The following SORBS2 variants were observed in gnomAD, a reference collection of about 807,000 sequenced individuals.
SORBS2 encodes the protein sorbin and SH3 domain-containing protein 2.
A neutral mutation model predicts 97.7 loss-of-function variants in SORBS2; 46 were observed. That is an observed-to-expected ratio of 0.47 (90% CI 0.37 to 0.60). SORBS2 has a LOEUF of 0.60. Among genes scored for constraint, SORBS2 ranks in the 20% least tolerant of loss-of-function variants. The probability of loss-of-function intolerance (pLI) is 0.00; values close to 1 mark genes in which losing one functional copy is unlikely to be tolerated. For synonymous variants in SORBS2, 476 were observed against 473.4 expected, an observed-to-expected ratio of 1.01 and a Z score of -0.07; for missense variants, 1,316 against 1,282.3, an observed-to-expected ratio of 1.03 and a Z score of -0.40.
In SORBS2 at chr4:185,677,221, C is replaced by G. The variant is rs764467421; in HGVS notation, c.-46+1202G>C. 8 of 1,551,522 alleles carry G rather than the reference C, an allele frequency of 5.2e-6. No individual in the cohort carries two copies. In the African/African-American group the frequency reaches 1.1e-4, roughly 21 times the overall value. On this transcript the variant is annotated intron_variant, in intron 4 of 20. Transcript: ENST00000284776. ...GGCCTTTTGAGAAATGACGGTACTT[C>G]GACAGATTTGGAGAACTGTGGAGTA...
rs1171082923 is a variant in SORBS2 at position 185,906,180 on chromosome 4, T to C, written c.-338+50016A>G. Among the ~76,000 whole-genome samples, 3 of 152,176 alleles carry C rather than the reference T, an allele frequency of 2.0e-5. No homozygotes were observed. In the East Asian group the frequency reaches 5.8e-4, roughly 29 times the overall value. ...TCCTGAGTAGCTGGGACTACTGGCA[T>C]GCACCACCATGCCTGGGTAATTTCG... On this transcript the variant is annotated intron_variant, in intron 1 of 20. Transcript: ENST00000284776.
chr4:185,590,729 A>G (rs1040440493), intron 13 of SORBS2, among the ~76,000 whole-genome samples: 6 of 152,238 alleles, frequency 3.9e-5, no homozygotes, highest in Admixed American at 3.9e-4. Context: ...ATACATTATA[A>G]TAAATAGTAA....
intron 2 of SORBS2, among the ~76,000 whole-genome samples, chr4:185,745,826 C>T (rs112771041): frequency 9.9e-5 from 15 of 152,266 alleles, no homozygotes; most frequent in African/African-American, 3.6e-4. Flanking sequence ...TGTGACTGAT[C>T]GCTGCAGTGA....
At chr4:185,651,471 T>A (rs1403124362) in intron 2 of SORBS2, among the ~76,000 whole-genome samples, 2 of 152,242 alleles carry the variant, frequency 1.3e-5, no homozygotes, top group Non-Finnish European at 2.9e-5. Flanking sequence ...TGATAAAAGA[T>A]CTTTATCTTA....
exon 15 of SORBS2, chr4:185,587,533 A>T: frequency 9.5e-7 from 1 of 1,052,148 alleles, no homozygotes; most frequent in Non-Finnish European, 1.5e-6. Flanking sequence ...TGGAAACCGT[A>T]AGGCATGACA....
intron 12 of SORBS2, among the ~76,000 whole-genome samples, chr4:185,603,623 G>A (rs1054790678): frequency 2.0e-5 from 3 of 152,134 alleles, no homozygotes; most frequent in African/African-American, 7.2e-5. Flanking sequence ...GAATGTGAGG[G>A]TGAGCTATTG....
Position 185,712,923 on chromosome 4 carries a change from T to C in SORBS2, c.-197-34101A>G, listed in dbSNP as rs11937475. ...ACACCTCTCATCACCACCTTCTGTT[T>C]ACCACCTAACACCTTAGTCTAGCTT... On this transcript the variant is annotated intron_variant, in intron 2 of 20. Transcript: ENST00000284776. Among the ~76,000 whole-genome samples the C allele has an allele frequency of 4.8e-3, 731 of 152,300 alleles. 5 individuals are homozygous for C. The highest frequency in any genetic ancestry group is 0.017 in the African/African-American group (699 of 41,562).
At chr4:185,745,358 G>C (rs1426949769) in intron 2 of SORBS2, among the ~76,000 whole-genome samples, 1 of 152,152 alleles carries the variant, frequency 6.6e-6, no homozygotes, top group African/African-American at 2.4e-5. Flanking sequence ...ATCAGGGACT[G>C]TTCCAATTTT....
intron 12 of SORBS2, among the ~76,000 whole-genome samples, chr4:185,599,712 A>T (rs1158227902): frequency 6.6e-6 from 1 of 151,788 alleles, no homozygotes; most frequent in Non-Finnish European, 1.5e-5. Context: ...TAGACCACAA[A>T]ACACACGACA....
chr4:185,905,029 G>A lies in SORBS2; in HGVS notation c.-338+51167C>T, dbSNP rs28391252. Among the ~76,000 whole-genome samples, 1,501 of 152,138 alleles carry A rather than the reference G, an allele frequency of 9.9e-3. 32 individuals are homozygous for A. Among genetic ancestry groups the A allele is most frequent in the African/African-American group, 0.035 (1,433 of 41,504 alleles). On this transcript the variant is annotated intron_variant, in intron 1 of 20. Coordinates refer to the SORBS2 transcript ENST00000284776. Reference sequence around the variant, plus strand: ...TGAGGCAGGACAATCGCTTGAACCTGGGAGGCAGAGGTTGCAGTGAGCCAA... The same window carrying A: ...TGAGGCAGGACAATCGCTTGAACCTAGGAGGCAGAGGTTGCAGTGAGCCAA...
In SORBS2 at chr4:185,910,759, C is replaced by A. The variant is rs1384157200; in HGVS notation, c.-338+45437G>T. On this transcript the variant is annotated intron_variant, in intron 1 of 20. Transcript: ENST00000284776. The stretch of plus-strand genomic sequence containing the variant: ...TCTGACTGCAACTTTTATTCTATAA[C>A]CTAAATCCTGTGGGTATACAAAGAT... Among the ~76,000 whole-genome samples the A allele has an allele frequency of 2.6e-5, 4 of 152,088 alleles. No homozygotes were observed. The East Asian group carries it at 7.7e-4, about 29-fold the overall frequency.
intron 2 of SORBS2, among the ~76,000 whole-genome samples, chr4:185,735,676 A>T (rs1299662857): frequency 6.6e-6 from 1 of 151,980 alleles, no homozygotes; most frequent in Non-Finnish European, 1.5e-5. Context: ...ATATCATGAA[A>T]ATATTTACTG....
intron 1 of SORBS2, among the ~76,000 whole-genome samples, chr4:185,827,308 A>G (rs1462569098): frequency 1.4e-5 from 2 of 147,314 alleles, no homozygotes; most frequent in African/African-American, 2.5e-5. Context: ...CATCACCATC[A>G]TCACCATCAT....
At chr4:185,902,642 G>A (rs1269095011) in intron 1 of SORBS2, among the ~76,000 whole-genome samples, 1 of 150,534 alleles carries the variant, frequency 6.6e-6, no homozygotes, top group African/African-American at 2.4e-5. Context: ...GAATTCTATA[G>A]CCTCTGTGTG....
At chr4:185,689,511 T>G (rs1266268408) in intron 2 of SORBS2, among the ~76,000 whole-genome samples, 2 of 152,232 alleles carry the variant, frequency 1.3e-5, no homozygotes, top group Non-Finnish European at 2.9e-5. Context: ...TTGCTGAGCC[T>G]TCCTTGTGTG....
chr4:185,875,980 T>G (rs1454307014), intron 1 of SORBS2, among the ~76,000 whole-genome samples: 1 of 152,268 alleles, frequency 6.6e-6, no homozygotes, highest in Non-Finnish European at 1.5e-5. Flanking sequence ...AGTCATTGTA[T>G]TCCTTTCAGT....
intron 2 of SORBS2, among the ~76,000 whole-genome samples, chr4:185,746,733 A>G (rs562644584): frequency 2.6e-5 from 4 of 152,242 alleles, no homozygotes; most frequent in Admixed American, 6.5e-5. Flanking sequence ...ATACCCAAGC[A>G]AAATACTCTT....
At chr4:185,805,794 C>T (rs1202544053) in intron 1 of SORBS2, among the ~76,000 whole-genome samples, 1 of 152,188 alleles carries the variant, frequency 6.6e-6, no homozygotes, top group Admixed American at 6.5e-5. Flanking sequence ...TGCAAGAATA[C>T]GTCTGACGGG....
rs1235756472 is a variant in SORBS2, at chr4:185,827,223, C to T, written c.-337-51857G>A. 1.1e-3 allele frequency among the ~76,000 whole-genome samples: 152 copies of T among 136,398 alleles called. 1 individual carries two copies. Among genetic ancestry groups the T allele is most frequent in the African/African-American group, 4.3e-3 (144 of 33,254 alleles). 89.5% of individuals were successfully genotyped at this position (136,398 alleles called of 152,430 possible). ...TCATCACCATCATCACCATCATCAC[C>T]ATCATCATCATCACCATCACCACCA... is the stretch of plus-strand genomic sequence containing the variant. On this transcript the variant is annotated intron_variant, in intron 1 of 20. Transcript: ENST00000284776.
Sources: allele counts gnomAD v4.1 joint callset (sites outside exome capture counted in the v4.1 genomes callset), GRCh38; gene constraint gnomAD v4.1.1; transcripts MANE v1.5; gene names NCBI Gene and HGNC (gene_info 2026-07-23, HGNC 2026-07-21).